ARHGAP8: variants seen among roughly 807,000 people sequenced by gnomAD.
The protein encoded by ARHGAP8 is rho GTPase-activating protein 8.
A neutral mutation model predicts 46.1 loss-of-function variants in ARHGAP8; 62 were observed. The ratio of observed to expected loss-of-function variants is 1.34; its 90% confidence interval spans 1.10 to 1.66. ARHGAP8 has a LOEUF of 1.66. ARHGAP8 is among the 40% of genes most tolerant of loss of function. The probability of loss-of-function intolerance (pLI) is 0.00; values close to 1 mark genes in which losing one functional copy is unlikely to be tolerated. For missense variants in ARHGAP8, 923 were observed against 568.4 expected, an observed-to-expected ratio of 1.62 and a Z score of -6.34; for synonymous variants, 375 against 243.1, an observed-to-expected ratio of 1.54 and a Z score of -5.05.
In ARHGAP8 at chr22:44,808,351, C is replaced by A; in HGVS notation, c.212C>A (p.Thr71Asn). ...GACCAATACGTTGAGAACGATTATA[C>A]CATCGTCTATTTCCACTACGGGCTG... is the stretch of plus-strand genomic sequence containing the variant. ...TLDQYVENDY[T>N]IVYFHYGLNS... Residue 71 changes from threonine (T) to asparagine (N), a missense_variant, in exon 4 of 12, where the codon ACC becomes AAC. Coordinates refer to ENST00000356099, the MANE Select transcript of ARHGAP8 (RefSeq NM_181335.3). 1 of 1,614,244 alleles carries A rather than the reference C, an allele frequency of 6.2e-7. No individual in the cohort carries two copies. The highest frequency in any genetic ancestry group is 8.5e-7 in the Non-Finnish European group (1 of 1,180,042).
At chr22:44,774,820 C>A (rs942010032) in intron 1 of ARHGAP8, among the ~76,000 whole-genome samples, 1 of 151,614 alleles carries the variant, frequency 6.6e-6, no homozygotes, top group African/African-American at 2.4e-5. Context: ...CCGTGCCTGG[C>A]CTTTTTTTGG....
At chr22:44,854,764 G>A (rs945723086) in intron 10 of ARHGAP8, among the ~76,000 whole-genome samples, 2 of 151,556 alleles carry the variant, frequency 1.3e-5, no homozygotes, top group Admixed American at 6.6e-5. Flanking sequence ...TCAGCCTCCC[G>A]AGTAGCTGGG....
rs200724454 is a variant in ARHGAP8, at chr22:44,845,329, C to T, written c.657C>T (p.Tyr219=). 6.2e-7 allele frequency: 1 copy of T among 1,614,070 alleles called. No homozygotes were observed. Among genetic ancestry groups the T allele is most frequent in the Non-Finnish European group, 8.5e-7 (1 of 1,179,994 alleles). The change falls in exon 8 of 12, where the codon TAC becomes TAT. Residue 219 remains tyrosine (Y), a synonymous_variant. Transcript: ENST00000356099. ...IPPVLRFTVT[Y]LREKGLRTEG... ...CTGTGCTGAGGTTCACAGTGACGTA[C>T]CTGAGAGAGAAAGGTGAGACGGGGC...
intron 1 of ARHGAP8, among the ~76,000 whole-genome samples, chr22:44,775,243 G>GT (rs1465354411): frequency 6.6e-6 from 1 of 152,186 alleles, no homozygotes; most frequent in Non-Finnish European, 1.5e-5. Flanking sequence ...CAGCACCAGC[G>GT]TTTTATGTAC....
intron 10 of ARHGAP8, among the ~76,000 whole-genome samples, chr22:44,857,522 A>C (rs1324581524): frequency 4.6e-5 from 7 of 152,182 alleles, no homozygotes; most frequent in Non-Finnish European, 1.0e-4. Context: ...AGGCCCAGAG[A>C]TCCAGTCCAC....
intron 7 of ARHGAP8, among the ~76,000 whole-genome samples, chr22:44,837,141 T>A (rs1410561125): frequency 1.3e-5 from 2 of 152,182 alleles, no homozygotes; most frequent in Non-Finnish European, 2.9e-5. Context: ...CACCTTGGCC[T>A]CCCAAAGTGC....
intron 5 of ARHGAP8, among the ~76,000 whole-genome samples, chr22:44,817,251 C>T (rs1929819837): frequency 6.6e-6 from 1 of 152,370 alleles, no homozygotes. Flanking sequence ...CTGAGGCACA[C>T]TGGGAGAATT....
chr22:44,829,712 T>G (rs929531404), intron 7 of ARHGAP8, among the ~76,000 whole-genome samples: 1 of 150,956 alleles, frequency 6.6e-6, no homozygotes, highest in African/African-American at 2.4e-5. Context: ...ATATGTAATT[T>G]GTTTGGACTA....
At chr22:44,828,995 G>T (rs1016491156) in intron 7 of ARHGAP8, among the ~76,000 whole-genome samples, 3 of 151,668 alleles carry the variant, frequency 2.0e-5, no homozygotes, top group African/African-American at 7.3e-5. Context: ...AACAAAGCCC[G>T]GGTGCGGTGG....
intron 7 of ARHGAP8, among the ~76,000 whole-genome samples, chr22:44,839,351 G>A (rs1931499180): frequency 6.6e-6 from 1 of 152,170 alleles, no homozygotes; most frequent in African/African-American, 2.4e-5. Context: ...AAGCAAAATT[G>A]CCATGAAACC....
chr22:44,829,506 A>T (rs1355234632), intron 7 of ARHGAP8, among the ~76,000 whole-genome samples: 1 of 152,160 alleles, frequency 6.6e-6, no homozygotes, highest in Non-Finnish European at 1.5e-5. Context: ...TCACTTTGCC[A>T]TAGTCCATCC....
chr22:44,792,804 GGTGGTGGTTTTTTTT>G (rs979121568), intron 2 of ARHGAP8, among the ~76,000 whole-genome samples: 2 of 117,124 alleles, frequency 1.7e-5, no homozygotes, highest in African/African-American at 7.0e-5. Context: ...TGGTGGTGGT[GGTGGTGGTTTTTTTT>G]GTTTTTTTGG....
chr22:44,801,944 C>T (rs1045228483), intron 2 of ARHGAP8, 133 bp from the exon 3 acceptor site: 83 of 948,560 alleles, frequency 8.8e-5, no homozygotes, highest in Non-Finnish European at 1.3e-4. Flanking sequence ...CAGCAGGTGT[C>T]GCCTCCGAGG....
chr22:44,859,608 C>T (rs779713291), intron 10 of ARHGAP8, 123 bp from the exon 11 acceptor site: 15 of 1,065,912 alleles, frequency 1.4e-5, no homozygotes, highest in African/African-American at 3.2e-5. Context: ...GGTCCCAAGC[C>T]CAAATGTGGG....
intron 8 of ARHGAP8, among the ~76,000 whole-genome samples, chr22:44,847,755 C>T (rs894960729): frequency 1.3e-5 from 2 of 152,204 alleles, no homozygotes; most frequent in African/African-American, 4.8e-5. Context: ...GAGCCTAGGT[C>T]TGTCTGAGAT....
At chr22:44,775,505 T>C (rs570325770) in intron 1 of ARHGAP8, among the ~76,000 whole-genome samples, 29 of 152,168 alleles carry the variant, frequency 1.9e-4, no homozygotes, top group African/African-American at 5.8e-4. Flanking sequence ...TGGAGTGCAA[T>C]GGCACAGTCT....
chr22:44,860,435 T>G (rs1050498380), intron 11 of ARHGAP8, among the ~76,000 whole-genome samples: 4 of 151,204 alleles, frequency 2.6e-5, no homozygotes, highest in East Asian at 1.9e-4. Flanking sequence ...GGCCTTTGTC[T>G]GTGTGTGTGT....
chr22:44,773,489 A>G, intron 1 of ARHGAP8, among the ~76,000 whole-genome samples: 1 of 152,258 alleles, frequency 6.6e-6, no homozygotes. Flanking sequence ...ACTGTGTGTT[A>G]GCAGAACATT....
chr22:44,851,450 C>T lies in ARHGAP8; in HGVS notation c.877+2390C>T, dbSNP rs532054490. Among the ~76,000 whole-genome samples, 10 of 152,190 alleles carry T rather than the reference C, an allele frequency of 6.6e-5. No homozygotes were observed. The South Asian group carries it at 1.5e-3, about 22-fold the overall frequency. On this transcript the variant is annotated intron_variant, in intron 10 of 11. Transcript: ENST00000356099. ...TTTTTGAGACAGTGTCTCGCTCTGT[C>T]GCCCAGGCTGGAGTGCCGTGGCATA... is the stretch of plus-strand genomic sequence containing the variant.
Sources: gnomAD v4.1 joint callset for allele counts (sites outside exome capture counted in the v4.1 genomes callset) on GRCh38, gnomAD v4.1.1 for gene constraint, MANE v1.5 for transcripts, NCBI Gene and HGNC (gene_info 2026-07-23, HGNC 2026-07-21) for gene names.